DRG1: variants seen among roughly 807,000 people sequenced by gnomAD.
DRG1 encodes developmentally regulated GTP binding protein 1.
DRG1 carries 19 observed loss-of-function variants against 38.8 expected under a neutral mutation model. The ratio of observed to expected loss-of-function variants is 0.49; its 90% CI spans 0.34 to 0.72. The LOEUF is 0.72. Among genes scored for constraint, DRG1 ranks in the 30% least tolerant of loss-of-function variants. The pLI, the probability that DRG1 is intolerant of heterozygous loss-of-function variation, is 0.01. For missense variants in DRG1, 299 were observed against 444.8 expected, an observed-to-expected ratio of 0.67 and a Z score of 2.95; for synonymous variants, 167 against 157.5, an observed-to-expected ratio of 1.06 and a Z score of -0.45.
chr22:31,406,983 G>A (rs1293837943), intron 3 of DRG1, among the ~76,000 whole-genome samples: 1 of 152,172 alleles, frequency 6.6e-6, no homozygotes, highest in Non-Finnish European at 1.5e-5. Context: ...CTCTCAAAGA[G>A]TAATGATCAG....
intron 3 of DRG1, among the ~76,000 whole-genome samples, chr22:31,403,974 T>C (rs928728266): frequency 1.7e-5 from 2 of 120,312 alleles, no homozygotes; most frequent in African/African-American, 6.0e-5. Flanking sequence ...CTCAAGAGAA[T>C]AACTTTTTTT....
intron 5 of DRG1, among the ~76,000 whole-genome samples, chr22:31,421,139 G>A (rs1306586889): frequency 6.6e-6 from 1 of 151,880 alleles, no homozygotes; most frequent in Non-Finnish European, 1.5e-5. Flanking sequence ...AGGCTGGTCG[G>A]TTTCATTCTG....
At chr22:31,420,151 C>A in intron 4 of DRG1, 105 bp from the exon 5 acceptor site, 1 of 1,301,060 alleles carries the variant, frequency 7.7e-7, no homozygotes, top group Non-Finnish European at 1.1e-6. Flanking sequence ...ACAGAAAAAT[C>A]CTTTGACACT....
chr22:31,432,161 T>G (rs902147048), intron 8 of DRG1, among the ~76,000 whole-genome samples: 27 of 150,746 alleles, frequency 1.8e-4, no homozygotes, highest in African/African-American at 6.1e-4. Flanking sequence ...ACTGCAGCCT[T>G]GAACTCCTGG....
chr22:31,407,555 T>C (rs695708), intron 3 of DRG1, among the ~76,000 whole-genome samples: 127,726 of 152,058 alleles, frequency 0.84, 53,938 homozygotes, highest in East Asian at 0.94. Flanking sequence ...AGGCTGGTCT[T>C]GAACTCCTGC....
At chr22:31,423,220 C>A in intron 5 of DRG1, 60 bp from the exon 6 acceptor site, 12 of 1,599,380 alleles carry the variant, frequency 7.5e-6, no homozygotes, top group Non-Finnish European at 9.4e-6. Flanking sequence ...GATATTGGTA[C>A]ACTTGACAAG....
intron 4 of DRG1, among the ~76,000 whole-genome samples, chr22:31,412,211 G>A (rs567066456): frequency 3.8e-4 from 58 of 151,080 alleles, no homozygotes; most frequent in African/African-American, 9.2e-4. Flanking sequence ...GGAGAATGGC[G>A]TGAACCCGGG....
chr22:31,415,416 C>T (rs2050038897), intron 4 of DRG1, among the ~76,000 whole-genome samples: 1 of 152,090 alleles, frequency 6.6e-6, no homozygotes, highest in Non-Finnish European at 1.5e-5. Context: ...ATATCTTCTC[C>T]CGTTAATTTT....
chr22:31,426,780 A>C lies in DRG1; in HGVS notation c.879A>C (p.Arg293Ser), dbSNP rs1569051412. 6.2e-7 allele frequency: 1 copy of C among 1,613,928 alleles called. No individual in the cohort carries two copies. Among genetic ancestry groups the C allele is most frequent in the Non-Finnish European group, 8.5e-7 (1 of 1,179,932 alleles). Residue 293 changes from arginine (R) to serine (S), a missense_variant and splice_region_variant, in exon 7 of 9, where the codon AGA becomes AGC. Around this residue, in one of 3 missense-constraint regions of DRG1, gnomAD observed 198 missense variants for 268.1 expected, o/e 0.74. Transcript: ENST00000331457. Reference sequence around the variant, plus strand: ...TCTGGGACTATCTGAAACTAGTGAGAATGTAAGTCTTTGTGGATAGGGTAA... The same window carrying C: ...TCTGGGACTATCTGAAACTAGTGAGCATGTAAGTCTTTGTGGATAGGGTAA... ...EKIWDYLKLV[R>S]IYTKPKGQLP... is the part of the protein sequence containing the mutation.
At chr22:31,418,182 C>A (rs561310914) in intron 4 of DRG1, among the ~76,000 whole-genome samples, 4 of 152,002 alleles carry the variant, frequency 2.6e-5, no homozygotes, top group African/African-American at 9.6e-5. Flanking sequence ...ATGGCTCATA[C>A]CTGTAATCCC....
chr22:31,401,374 T>A (rs1164046866), intron 2 of DRG1, among the ~76,000 whole-genome samples: 1 of 146,584 alleles, frequency 6.8e-6, no homozygotes, highest in Non-Finnish European at 1.5e-5. Context: ...AGATCAGGAG[T>A]TCAAGACCAG....
At chr22:31,423,496 TTA>T in intron 6 of DRG1, 86 bp downstream of exon 6, 4 of 1,492,074 alleles carry the variant, frequency 2.7e-6, no homozygotes, top group South Asian at 1.2e-5. Context: ...TGGCAGAAGT[TTA>T]TCTTAATTCC....
chr22:31,418,229 G>A (rs962268333), intron 4 of DRG1, among the ~76,000 whole-genome samples: 4 of 152,028 alleles, frequency 2.6e-5, no homozygotes, highest in African/African-American at 9.7e-5. Context: ...GATCACTTGA[G>A]GCCAGGAGTT....
intron 5 of DRG1, among the ~76,000 whole-genome samples, chr22:31,422,383 A>G (rs2050081861): frequency 6.6e-6 from 1 of 152,140 alleles, no homozygotes; most frequent in South Asian, 2.1e-4. Context: ...GTGAGCTGAG[A>G]TCGCGCCACT....
intron 8 of DRG1, among the ~76,000 whole-genome samples, chr22:31,427,815 C>T (rs1261882230): frequency 6.6e-6 from 1 of 151,616 alleles, no homozygotes; most frequent in Non-Finnish European, 1.5e-5. Flanking sequence ...CTCACTGCAA[C>T]TTATGCTTCC....
Position 31,403,026 on chromosome 22 carries a change from T to C in DRG1, c.167-3T>C. The C allele has an allele frequency of 6.2e-7, 1 of 1,608,564 alleles. No homozygotes were observed. ...CTCTTTTTGGTATTCATTGATGTTT[T>C]AGGTTTTGATGTGGCCAAGACAGGT... On this transcript the variant is annotated splice_region_variant and splice_polypyrimidine_tract_variant and intron_variant, in intron 2 of 8. Transcript: ENST00000331457.
At position 31,403,017 on chromosome 22, in the gene DRG1, T is replaced by C; in HGVS notation, c.167-12T>C. 1 of 1,605,522 alleles carries C rather than the reference T, an allele frequency of 6.2e-7. No individual in the cohort carries two copies. Among genetic ancestry groups the C allele is most frequent in the South Asian group, 1.1e-5 (1 of 90,000 alleles). Reference sequence around the variant, plus strand: ...ATAACTCTCCTCTTTTTGGTATTCATTGATGTTTTAGGTTTTGATGTGGCC... The same window carrying C: ...ATAACTCTCCTCTTTTTGGTATTCACTGATGTTTTAGGTTTTGATGTGGCC... On this transcript the variant is annotated splice_polypyrimidine_tract_variant and intron_variant, in intron 2 of 8. Coordinates refer to ENST00000331457, the MANE Select transcript of DRG1 (RefSeq NM_004147.4).
intron 8 of DRG1, among the ~76,000 whole-genome samples, chr22:31,431,640 G>C (rs1262266728): frequency 6.6e-6 from 1 of 152,184 alleles, no homozygotes; most frequent in African/African-American, 2.4e-5. Context: ...CTGTACTCTA[G>C]CCTGGGCAGC....
chr22:31,409,582 G>C lies in DRG1; in HGVS notation c.343-1430G>C, dbSNP rs1298892352. Among the ~76,000 whole-genome samples, 3 of 152,294 alleles carry C rather than the reference G, an allele frequency of 2.0e-5. No homozygotes were observed. In the East Asian group the frequency reaches 5.8e-4, roughly 29 times the overall value. ...GCTACAAAAATTTTTGTGAGTTGGG[G>C]ATTTGCAGAAATTGCAATATGTATC... is the stretch of plus-strand genomic sequence containing the variant. On this transcript the variant is annotated intron_variant, in intron 3 of 8. Transcript: ENST00000331457.
Sources: allele counts gnomAD v4.1 joint callset (sites outside exome capture counted in the v4.1 genomes callset), GRCh38; gene constraint gnomAD v4.1.1; regional missense constraint gnomAD v4.1.1; transcripts MANE v1.5; gene names NCBI Gene and HGNC (gene_info 2026-07-23, HGNC 2026-07-21).